Variants in GALNT13 observed in about 807,000 individuals in gnomAD.
GALNT13 encodes the protein UDP-GalNAc:polypeptide N-acetylgalactosaminyltransferase 13.
In GALNT13, 28 loss-of-function variants were observed where a neutral mutation model predicts 64.2. That is an observed-to-expected ratio of 0.44 (90% CI 0.32 to 0.60). The LOEUF (loss-of-function observed/expected upper bound fraction) is 0.60, where lower values mean the gene tolerates loss of function less well. Among genes scored for constraint, GALNT13 ranks in the 20% least tolerant of loss-of-function variants. The probability of loss-of-function intolerance (pLI) is 0.05; values close to 1 mark genes in which losing one functional copy is unlikely to be tolerated. For synonymous variants in GALNT13, 214 were observed against 224.6 expected (o/e 0.95, Z 0.42); for missense variants, 577 against 669.8 (o/e 0.86, Z 1.53).
chr2:153,996,524 A>T (rs1695535501), intron 3 of GALNT13, among the ~76,000 whole-genome samples: 1 of 151,346 alleles, frequency 6.6e-6, no homozygotes, highest in African/African-American at 2.4e-5. Flanking sequence ...TTTGGATGGG[A>T]TTTCTTTTTT....
chr2:153,957,497 G>C (rs945279192), intron 3 of GALNT13, among the ~76,000 whole-genome samples: 1 of 152,202 alleles, frequency 6.6e-6, no homozygotes, highest in Non-Finnish European at 1.5e-5. Context: ...GTTTGTGGGG[G>C]CTAGTAGAAG....
At chr2:153,659,911 T>C in the GALNT13 span, among the ~76,000 whole-genome samples, 1 of 152,154 alleles carries the variant, frequency 6.6e-6, no homozygotes, top group Admixed American at 6.6e-5. Context: ...AGTATTCTAA[T>C]TGACATTTCA....
the GALNT13 span, among the ~76,000 whole-genome samples, chr2:153,116,483 A>T: frequency 4.8e-4 from 73 of 152,290 alleles, no homozygotes; most frequent in African/African-American, 1.7e-3. Context: ...GAAATAGGAA[A>T]ATAGAAGAAA....
intron 10 of GALNT13, among the ~76,000 whole-genome samples, chr2:154,406,039 T>A (rs1699523048): frequency 6.6e-6 from 1 of 152,156 alleles, no homozygotes; most frequent in Non-Finnish European, 1.5e-5. Flanking sequence ...TCAAAGTGAT[T>A]TTCAAGTATA....
chr2:153,082,573 TTATATATATATA>T, the GALNT13 span, among the ~76,000 whole-genome samples: 288 of 40,506 alleles, frequency 7.1e-3, 2 homozygotes, highest in Middle Eastern at 0.075. Context: ...TTAGGCTGGT[TTATATATATATA>T]TATATATATA....
chr2:153,541,001 T>C, the GALNT13 span, among the ~76,000 whole-genome samples: 2 of 152,124 alleles, frequency 1.3e-5, no homozygotes, highest in Admixed American at 6.5e-5. Context: ...TGATTTTGTT[T>C]TGAAATGTGA....
intron 3 of GALNT13, among the ~76,000 whole-genome samples, chr2:154,079,939 T>G (rs1701186114): frequency 6.6e-6 from 1 of 151,622 alleles, no homozygotes; most frequent in Admixed American, 6.6e-5. Flanking sequence ...TTGTTTATTT[T>G]TTATATAGTT....
At chr2:153,708,886 A>G in the GALNT13 span, among the ~76,000 whole-genome samples, 1 of 152,132 alleles carries the variant, frequency 6.6e-6, no homozygotes, top group Admixed American at 6.6e-5. Context: ...CAAAGGGGAA[A>G]GGACAATCTC....
At chr2:154,305,917 TA>T (rs1166689476) in intron 9 of GALNT13, among the ~76,000 whole-genome samples, 1 of 152,146 alleles carries the variant, frequency 6.6e-6, no homozygotes, top group Non-Finnish European at 1.5e-5. Flanking sequence ...TCATTTTGTT[TA>T]AAAAAATTTT....
At chr2:154,292,197 C>A (rs1163927107) in intron 8 of GALNT13, among the ~76,000 whole-genome samples, 1 of 152,136 alleles carries the variant, frequency 6.6e-6, no homozygotes, top group Non-Finnish European at 1.5e-5. Context: ...TTGGAGAGAA[C>A]TGACTCATGT....
At chr2:154,215,037 A>T (rs1687970128) in intron 4 of GALNT13, among the ~76,000 whole-genome samples, 1 of 152,178 alleles carries the variant, frequency 6.6e-6, no homozygotes, top group Non-Finnish European at 1.5e-5. Context: ...TGTAAGCCAA[A>T]AGTTTCTGGT....
intron 4 of GALNT13, among the ~76,000 whole-genome samples, chr2:154,178,150 C>T (rs1256428630): frequency 1.3e-5 from 2 of 152,090 alleles, no homozygotes; most frequent in South Asian, 2.1e-4. Context: ...CCTTATTCAC[C>T]ACTATAAGTT....
At chr2:153,256,428 C>T in the GALNT13 span, among the ~76,000 whole-genome samples, 3 of 152,138 alleles carry the variant, frequency 2.0e-5, no homozygotes, top group East Asian at 1.9e-4. Context: ...TCCCGTAGCT[C>T]GGAGTAATTT....
At chr2:153,333,443 G>T in the GALNT13 span, among the ~76,000 whole-genome samples, 1 of 152,178 alleles carries the variant, frequency 6.6e-6, no homozygotes, top group South Asian at 2.1e-4. Flanking sequence ...TGGATCAATG[G>T]TGTCCTTCAC....
the GALNT13 span, among the ~76,000 whole-genome samples, chr2:153,662,827 GA>G: frequency 6.6e-6 from 1 of 152,114 alleles, no homozygotes; most frequent in East Asian, 1.9e-4. Context: ...ACTAGGTATG[GA>G]AAACCAAAAG....
chr2:153,941,635 G>A (rs934103021), intron 2 of GALNT13, among the ~76,000 whole-genome samples: 2 of 152,116 alleles, frequency 1.3e-5, no homozygotes, highest in African/African-American at 4.8e-5. Context: ...TTAGTATTCT[G>A]TGTTTAAAGT....
intron 9 of GALNT13, among the ~76,000 whole-genome samples, chr2:154,389,077 C>T (rs971539232): frequency 6.6e-6 from 1 of 152,060 alleles, no homozygotes. Flanking sequence ...TGTATTTTGT[C>T]AACCAGATAT....
intron 3 of GALNT13, among the ~76,000 whole-genome samples, chr2:154,081,161 G>T (rs1032219213): frequency 6.6e-6 from 1 of 151,472 alleles, no homozygotes; most frequent in African/African-American, 2.4e-5. Context: ...GAAGCCTGTA[G>T]ACCATACTCT....
intron 1 of GALNT13, among the ~76,000 whole-genome samples, chr2:153,880,186 T>C (rs1026036944): frequency 6.6e-6 from 1 of 152,180 alleles, no homozygotes; most frequent in Admixed American, 6.5e-5. Flanking sequence ...AAATTCTACC[T>C]AAATTTATGG....
Sources: gnomAD v4.1 joint callset for allele counts (sites outside exome capture counted in the v4.1 genomes callset) on GRCh38, gnomAD v4.1.1 for gene constraint, MANE v1.5 for transcripts, NCBI Gene and HGNC (gene_info 2026-07-23, HGNC 2026-07-21) for gene names.